Variants in AQP7 observed in about 807,000 individuals in gnomAD.
AQP7 encodes the protein aquaporin-7.
Under a neutral mutation model 26.1 loss-of-function variants are expected in AQP7, and 22 were observed. The ratio of observed to expected loss-of-function variants is 0.84; its 90% confidence interval spans 0.60 to 1.20. The LOEUF is 1.20. Among genes scored for constraint, AQP7 ranks in the 50% most tolerant of loss-of-function variants. The pLI is 0.00. For synonymous variants in AQP7, 167 were observed against 181.7 expected (o/e 0.92, Z 0.65); for missense variants, 412 against 457.5 (o/e 0.90, Z 0.91).
At position 33,387,077 on chromosome 9, in the gene AQP7, A is replaced by G. The variant is rs1824905101; in HGVS notation, c.160T>C (p.Ser54Pro). Residue 54 changes from serine (S) to proline (P), a missense_variant, in exon 4 of 8, where the codon TCC becomes CCC. Physicochemically the swap from Ser to Pro is moderately conservative, Grantham distance 74. Coordinates refer to ENST00000297988, the MANE Select transcript of AQP7 (RefSeq NM_001170.3). Reference protein sequence around the residue: ...TYVMMVFGLGSVAHMVLNKKY... With the variant: ...TYVMMVFGLGPVAHMVLNKKY... The stretch of plus-strand genomic sequence containing the variant: ...TTATTTAGAACCATATGGGCCACGG[A>G]ACCAAGGCCGAATACCTACAAGGGA... 6.2e-7 allele frequency: 1 copy of G among 1,611,934 alleles called. No homozygotes were observed. The highest frequency in any genetic ancestry group is 1.3e-5 in the African/African-American group (1 of 74,976).
In AQP7 at chr9:33,396,760, C is replaced by T. The variant is rs4056724; in HGVS notation, c.27-1565G>A. ...CCATTCACTTCTTCCACATGCCCCA[C>T]GGTGCCCACTCTTTCAGCTGGGGCA... On this transcript the variant is annotated intron_variant, in intron 2 of 7. Coordinates refer to ENST00000297988, the MANE Select transcript of AQP7 (RefSeq NM_001170.3). Among the ~76,000 whole-genome samples, 1,273 of 149,588 alleles carry T rather than the reference C, an allele frequency of 8.5e-3. 22 individuals carry two copies. Among genetic ancestry groups the T allele is most frequent in the African/African-American group, 0.029 (1,189 of 40,508 alleles).
intron 3 of AQP7, among the ~76,000 whole-genome samples, chr9:33,388,228 G>A (rs1247337643): frequency 1.3e-5 from 2 of 152,084 alleles, no homozygotes; most frequent in South Asian, 2.1e-4. Flanking sequence ...TTGAAGGTTC[G>A]CCATCTCACA....
intron 3 of AQP7, among the ~76,000 whole-genome samples, chr9:33,394,635 T>C (rs1449414937): frequency 6.6e-6 from 1 of 151,958 alleles, no homozygotes; most frequent in Non-Finnish European, 1.5e-5. Context: ...ATAACTGAGA[T>C]TACAGGCGTC....
At chr9:33,400,977 G>C in intron 2 of AQP7, 1 of 549,384 alleles carries the variant, frequency 1.8e-6, no homozygotes, top group Non-Finnish European at 3.3e-6. Flanking sequence ...GCTGAGTGCA[G>C]TTGAGTTGAA....
Position 33,386,517 on chromosome 9 carries a change from G to T in AQP7, c.293C>A (p.Thr98Asn). Residue 98 changes from threonine (T) to asparagine (N), a missense_variant, in exon 5 of 8, where the codon ACC becomes AAC. Thr to Asn is a moderately conservative substitution (Grantham distance 65, BLOSUM62 0). Transcript: ENST00000297988. ...ISGAHMNAAV[T>N]FANCALGRVP... is the part of the protein sequence containing the mutation. The stretch of plus-strand genomic sequence containing the variant: ...GCGGCCCAGCGCACAGTTAGCAAAG[G>T]TCACAGCTGCGTTCATGTGGGCTCC... The T allele has an allele frequency of 6.2e-7, 1 of 1,612,466 alleles. No individual in the cohort carries two copies. The highest frequency in any genetic ancestry group is 1.1e-5 in the South Asian group (1 of 90,650).
intron 2 of AQP7, chr9:33,395,458 C>T: frequency 4.3e-6 from 2 of 467,238 alleles, no homozygotes; most frequent in Non-Finnish European, 7.7e-6. Context: ...AATGAGGCCA[C>T]TTTGCAGATG....
At chr9:33,389,484 T>C (rs2118801123) in intron 3 of AQP7, among the ~76,000 whole-genome samples, 1 of 152,346 alleles carries the variant, frequency 6.6e-6, no homozygotes. Flanking sequence ...CAGAATATCC[T>C]AATAATTTTA....
At position 33,386,464 on chromosome 9, in the gene AQP7, C is replaced by T. The variant is rs1166925278; in HGVS notation, c.346G>A (p.Val116Met). Residue 116 changes from valine to methionine, a missense_variant, in exon 5 of 8, where the codon GTG becomes ATG. Transcript: ENST00000297988. ...RVPWRKFPVY[V>M]LGQFLGSFLA... ...AAGGAGCCCAGGAACTGCCCCAGCA[C>T]ATAGACCGGAAACTTCCTCCAGGGC... 6.2e-7 allele frequency: 1 copy of T among 1,611,960 alleles called. No homozygotes were observed.
intron 3 of AQP7, among the ~76,000 whole-genome samples, chr9:33,392,854 G>A (rs982568061): frequency 6.6e-6 from 1 of 152,162 alleles, no homozygotes; most frequent in Admixed American, 6.5e-5. Context: ...GGTACCACAG[G>A]TGTACTGGGT....
chr9:33,393,023 T>A (rs1306992961), intron 3 of AQP7, among the ~76,000 whole-genome samples: 1 of 151,904 alleles, frequency 6.6e-6, no homozygotes, highest in African/African-American at 2.4e-5. Flanking sequence ...AATTCGGGAG[T>A]TCGAAACCAG....
At chr9:33,388,006 C>A (rs11790323) in intron 3 of AQP7, among the ~76,000 whole-genome samples, 11,126 of 152,084 alleles carry the variant, frequency 0.073, 499 homozygotes, top group African/African-American at 0.11. Context: ...CTGGCTTCCA[C>A]TTCCACATGT....
intron 2 of AQP7, among the ~76,000 whole-genome samples, chr9:33,398,215 G>T (rs1378238537): frequency 6.6e-6 from 1 of 151,606 alleles, no homozygotes; most frequent in Non-Finnish European, 1.5e-5. Flanking sequence ...GCAAAGGCCT[G>T]CAGCTAAGGC....
intron 3 of AQP7, among the ~76,000 whole-genome samples, chr9:33,394,486 C>CT (rs56966031): frequency 4.4e-4 from 51 of 115,054 alleles, no homozygotes; most frequent in Middle Eastern, 4.5e-3. Context: ...CTCTCTCTCT[C>CT]TTTTTTTTTT....
intron 2 of AQP7, among the ~76,000 whole-genome samples, chr9:33,395,908 T>C (rs866475322): frequency 3.9e-4 from 60 of 152,286 alleles, no homozygotes; most frequent in African/African-American, 1.4e-3. Context: ...GCCAGGCACA[T>C]AGTAGATGTG....
chr9:33,386,158 C>A lies in AQP7; in HGVS notation c.444G>T (p.Val148=), dbSNP rs1250790433. Residue 148 remains valine, a synonymous_variant, in exon 6 of 8, where the codon GTG becomes GTT. Transcript: ENST00000297988. Reference sequence around the variant, plus strand: ...TGCCAGCTGTAGCGACGGGACCGGTCACCATCAGCTGTCCACCCGAAAAGT... The same window carrying A: ...TGCCAGCTGTAGCGACGGGACCGGTAACCATCAGCTGTCCACCCGAAAAGT... The part of the protein sequence containing the change: ...ILHFSGGQLM[V]TGPVATAGIF... 6.2e-7 allele frequency: 1 copy of A among 1,613,906 alleles called. No individual in the cohort carries two copies. The highest frequency in any genetic ancestry group is 2.2e-5 in the East Asian group (1 of 44,898).
At chr9:33,390,198 T>C (rs1394777811) in intron 3 of AQP7, among the ~76,000 whole-genome samples, 2 of 152,042 alleles carry the variant, frequency 1.3e-5, no homozygotes, top group Non-Finnish European at 2.9e-5. Flanking sequence ...GTGGAGAAAC[T>C]TCAGTATATT....
intron 2 of AQP7, among the ~76,000 whole-genome samples, chr9:33,398,093 G>C (rs1309565374): frequency 6.6e-6 from 1 of 152,112 alleles, no homozygotes; most frequent in Non-Finnish European, 1.5e-5. Flanking sequence ...TGGCCTAGAG[G>C]AGGGGGTAGG....
chr9:33,385,342 C>A (rs755536859), intron 7 of AQP7, 52 bp from the exon 8 acceptor site: 1 of 1,560,736 alleles, frequency 6.4e-7, no homozygotes, highest in Non-Finnish European at 8.7e-7. Flanking sequence ...CAGGACAGCA[C>A]CCTCATCCAC....
rs201479582 is a variant in AQP7 at position 33,386,398 on chromosome 9, A to C, written c.406+6T>G. On this transcript the variant is annotated splice_donor_region_variant and intron_variant, in intron 5 of 7. Coordinates refer to ENST00000297988, the MANE Select transcript of AQP7 (RefSeq NM_001170.3). ...CCAGAGGCGGACACCCGGGCAGGAT[A>C]CTCACTGTAGAAGAGACTGTAGATG... 1 of 1,610,402 alleles carries C rather than the reference A, an allele frequency of 6.2e-7. No homozygotes were observed. Among genetic ancestry groups the C allele is most frequent in the Non-Finnish European group, 8.5e-7 (1 of 1,178,750 alleles).
Sources: allele counts gnomAD v4.1 joint callset (sites outside exome capture counted in the v4.1 genomes callset), GRCh38; gene constraint gnomAD v4.1.1; transcripts MANE v1.5; gene names NCBI Gene and HGNC (gene_info 2026-07-23, HGNC 2026-07-21).